The following MECOM variants were observed in gnomAD, a reference collection of about 807,000 sequenced individuals.
The protein encoded by MECOM is histone-lysine N-methyltransferase MECOM.
In MECOM, 13 loss-of-function variants were observed where a neutral mutation model predicts 116.3. The observed-to-expected ratio is 0.11, with a 90% confidence interval of 0.07 to 0.18. The LOEUF (loss-of-function observed/expected upper bound fraction) is 0.18. Among genes scored for constraint, MECOM ranks in the 10% least tolerant of loss-of-function variants. MECOM has a pLI of 1.00. For missense variants in MECOM, 1,299 were observed against 1,509.0 expected (o/e 0.86, Z 2.31); for synonymous variants, 528 against 535.2 (o/e 0.99, Z 0.19).
chr3:169,642,446 CAAAAAA>C (rs397950899), intron 1 of MECOM, among the ~76,000 whole-genome samples: 1 of 69,474 alleles, frequency 1.4e-5, no homozygotes, highest in African/African-American at 5.1e-5. Flanking sequence ...GACTCCATCT[CAAAAAA>C]AAAAAAAAAA....
At chr3:169,467,776 C>T (rs959507183) in intron 1 of MECOM, among the ~76,000 whole-genome samples, 2 of 152,152 alleles carry the variant, frequency 1.3e-5, no homozygotes, top group African/African-American at 4.8e-5. Context: ...TGAGAATGTT[C>T]ATAGCTTTTC....
chr3:169,576,991 A>G (rs950492761), intron 1 of MECOM, among the ~76,000 whole-genome samples: 1 of 152,176 alleles, frequency 6.6e-6, no homozygotes, highest in African/African-American at 2.4e-5. Context: ...CAACTTCTTC[A>G]CTTGCTAACG....
chr3:169,455,484 A>C, intron 1 of MECOM, among the ~76,000 whole-genome samples: 1 of 152,192 alleles, frequency 6.6e-6, no homozygotes, highest in East Asian at 1.9e-4. Context: ...GGATCATAGA[A>C]GTTAAAAGGT....
chr3:169,619,121 T>C (rs1332506552), intron 1 of MECOM, among the ~76,000 whole-genome samples: 1 of 152,186 alleles, frequency 6.6e-6, no homozygotes, highest in Non-Finnish European at 1.5e-5. Context: ...GGTGGCATTT[T>C]CACAGTTAAT....
In MECOM at chr3:169,208,391, G is replaced by T. The variant is rs1426341114; in HGVS notation, c.376-64559C>A. ...ATTTGTGGTACAATTTGTGTGAAATGCCTTCACTCCAGTTATCTGTCTATA... is the reference window on the plus strand; with the variant it reads ...ATTTGTGGTACAATTTGTGTGAAATTCCTTCACTCCAGTTATCTGTCTATA... On this transcript the variant is annotated intron_variant, in intron 2 of 16. Coordinates refer to ENST00000651503, the MANE Select transcript of MECOM (RefSeq NM_004991.4). Among the ~76,000 whole-genome samples, 4 of 150,678 alleles carry T rather than the reference G, an allele frequency of 2.7e-5. No homozygotes were observed. In the Admixed American group the frequency reaches 2.7e-4, roughly 10 times the overall value.
At chr3:169,240,477 C>T (rs537455724) in intron 2 of MECOM, among the ~76,000 whole-genome samples, 4 of 152,284 alleles carry the variant, frequency 2.6e-5, no homozygotes, top group Non-Finnish European at 4.4e-5. Context: ...AAAAGGGACT[C>T]GTCTAAAATC....
chr3:169,130,791 A>G (rs1824914), intron 4 of MECOM, among the ~76,000 whole-genome samples: 62,034 of 147,436 alleles, frequency 0.42, 15,284 homozygotes, highest in Non-Finnish European at 0.58. Context: ...AAAGAAAAAT[A>G]TATATTAAAT....
chr3:169,472,527 GA>G (rs1560317935), intron 1 of MECOM, among the ~76,000 whole-genome samples: 18 of 88,380 alleles, frequency 2.0e-4, no homozygotes, highest in Non-Finnish European at 3.1e-4. Context: ...GGAAAGAAAA[GA>G]AAAGAAAAGG....
intron 2 of MECOM, among the ~76,000 whole-genome samples, chr3:169,225,115 CT>C (rs1448873541): frequency 2.0e-5 from 3 of 152,206 alleles, no homozygotes; most frequent in Non-Finnish European, 2.9e-5. Flanking sequence ...ATCCAGAGGG[CT>C]CCAAAATGAG....
rs1259813829 is a variant in MECOM at position 169,282,170 on chromosome 3, AT to A, written c.375+99016del. Among the ~76,000 whole-genome samples the A allele has an allele frequency of 2.6e-5, 4 of 152,314 alleles. No individual in the cohort carries two copies. In the East Asian group the frequency reaches 7.7e-4, roughly 29 times the overall value. On this transcript the variant is annotated intron_variant, in intron 2 of 16. Transcript: ENST00000651503. ...TTAGGTTCCTGGGGGAGGATATAGA[AT>A]TGTTTAAAATAGAGTATAAGCCTAT...
chr3:169,253,519 T>C (rs1190853897), intron 2 of MECOM, among the ~76,000 whole-genome samples: 1 of 152,104 alleles, frequency 6.6e-6, no homozygotes, highest in Non-Finnish European at 1.5e-5. Context: ...CACATGTATT[T>C]ATGTATTATA....
intron 1 of MECOM, among the ~76,000 whole-genome samples, chr3:169,480,226 T>C (rs1751079875): frequency 6.6e-6 from 1 of 152,226 alleles, no homozygotes; most frequent in African/African-American, 2.4e-5. Context: ...AAAGAGCTTC[T>C]TTATCACATA....
At chr3:169,662,951 G>C (rs1029075798) in intron 1 of MECOM, among the ~76,000 whole-genome samples, 2 of 151,594 alleles carry the variant, frequency 1.3e-5, no homozygotes, top group Non-Finnish European at 3.0e-5. Context: ...CCCGCCTGGG[G>C]GGAAGGGGAG....
chr3:169,362,559 AG>A (rs1161134526), intron 2 of MECOM, among the ~76,000 whole-genome samples: 1 of 151,834 alleles, frequency 6.6e-6, no homozygotes, highest in African/African-American at 2.4e-5. Flanking sequence ...TTGAGGAAAG[AG>A]GGGTGGGGGC....
At position 169,147,269 on chromosome 3, in the gene MECOM, G is replaced by A. The variant is rs542772503; in HGVS notation, c.376-3437C>T. 7 of 985,566 alleles carry A rather than the reference G, an allele frequency of 7.1e-6. No individual in the cohort carries two copies. The East Asian group carries it at 6.8e-4, about 96-fold the overall frequency. The allele number at this position is 985,566 out of a possible 1,614,324, so 61.1% of individuals were successfully genotyped here. ...AGGTGGGGGGCCTGGGGAGGCGAGG[G>A]GAGCTCTATCCCCCTTTCAGATCCT... On this transcript the variant is annotated intron_variant, in intron 2 of 16. Coordinates refer to ENST00000651503, the MANE Select transcript of MECOM (RefSeq NM_004991.4).
chr3:169,512,400 T>A (rs1756085543), intron 1 of MECOM, among the ~76,000 whole-genome samples: 1 of 152,192 alleles, frequency 6.6e-6, no homozygotes, highest in Admixed American at 6.5e-5. Flanking sequence ...ATCTCTTTCT[T>A]CCTCATCTCT....
At chr3:169,640,725 A>G (rs149238989) in intron 1 of MECOM, among the ~76,000 whole-genome samples, 97 of 152,318 alleles carry the variant, frequency 6.4e-4, no homozygotes, top group African/African-American at 2.2e-3. Context: ...GGTGATGTCA[A>G]TGTCCAAGGT....
intron 1 of MECOM, among the ~76,000 whole-genome samples, chr3:169,476,592 G>A (rs367726100): frequency 1.3e-5 from 2 of 152,128 alleles, no homozygotes; most frequent in South Asian, 2.1e-4. Context: ...GATGCAGATC[G>A]AGTTTGTTCT....
chr3:169,655,785 GA>G (rs1310588753), intron 1 of MECOM, among the ~76,000 whole-genome samples: 4 of 151,552 alleles, frequency 2.6e-5, no homozygotes, highest in Admixed American at 1.3e-4. Flanking sequence ...AACAGGAGGG[GA>G]AAAAAAAGGA....
Sources: gnomAD v4.1 joint callset for allele counts (sites outside exome capture counted in the v4.1 genomes callset) on GRCh38, gnomAD v4.1.1 for gene constraint, MANE v1.5 for transcripts, NCBI Gene and HGNC (gene_info 2026-07-23, HGNC 2026-07-21) for gene names.